ERG: variants seen among roughly 807,000 people sequenced by gnomAD.
The protein encoded by ERG is transcriptional regulator ERG.
ERG carries 9 observed loss-of-function variants against 55.3 expected under a neutral mutation model. That is an observed-to-expected ratio of 0.16 (90% CI 0.10 to 0.28). The LOEUF is 0.28. ERG is among the 10% of genes least tolerant of loss of function. ERG has a pLI of 1.00. For missense variants in ERG, 434 were observed against 631.6 expected (o/e 0.69, Z 3.35); for synonymous variants, 223 against 237.3 (o/e 0.94, Z 0.55).
intron 1 of ERG, among the ~76,000 whole-genome samples, chr21:38,469,852 T>G (rs577180922): frequency 2.0e-4 from 31 of 152,350 alleles, no homozygotes; most frequent in African/African-American, 7.2e-4. Context: ...TCTCATTCAG[T>G]TGTAACATGA....
chr21:38,597,803 A>G (rs1251231618), intron 1 of ERG, among the ~76,000 whole-genome samples: 11 of 152,244 alleles, frequency 7.2e-5, no homozygotes, highest in Non-Finnish European at 1.5e-5. Context: ...ATGTGCACAG[A>G]GTAAATTACC....
At chr21:38,436,773 C>G (rs1419492739) in intron 2 of ERG, among the ~76,000 whole-genome samples, 1 of 152,146 alleles carries the variant, frequency 6.6e-6, no homozygotes, top group African/African-American at 2.4e-5. Context: ...TGATGGTACC[C>G]TCATATCTGT....
chr21:38,408,343 A>G (rs530273729), intron 3 of ERG, among the ~76,000 whole-genome samples: 1 of 152,176 alleles, frequency 6.6e-6, no homozygotes, highest in South Asian at 2.1e-4. Flanking sequence ...TTCCTGAGCC[A>G]ATGCCTCCAT....
chr21:38,481,826 C>T (rs1384462592), intron 1 of ERG, among the ~76,000 whole-genome samples: 10 of 152,098 alleles, frequency 6.6e-5, no homozygotes, highest in Admixed American at 6.5e-4. Flanking sequence ...AAAGAGGTGA[C>T]TGTAGTAACA....
intron 2 of ERG, among the ~76,000 whole-genome samples, chr21:38,429,382 T>C (rs13050881): frequency 0.02 from 907 of 45,026 alleles, 22 homozygotes; most frequent in East Asian, 0.093. Flanking sequence ...CATATACATA[T>C]ATATGTACAC....
At chr21:38,422,485 A>G (rs1467330603) in intron 3 of ERG, among the ~76,000 whole-genome samples, 1 of 152,220 alleles carries the variant, frequency 6.6e-6, no homozygotes, top group Non-Finnish European at 1.5e-5. Flanking sequence ...AAATCATGAG[A>G]AAGATGTCCA....
intron 2 of ERG, among the ~76,000 whole-genome samples, chr21:38,431,763 C>T (rs1271961195): frequency 6.6e-6 from 1 of 152,192 alleles, no homozygotes; most frequent in Non-Finnish European, 1.5e-5. Flanking sequence ...CTCGGGGCTT[C>T]TCATGAAGAA....
rs1987400733 is a variant in ERG at position 38,380,884 on chromosome 21, G to A, written c.*2519C>T. 2 of 1,064,950 alleles carry A rather than the reference G, an allele frequency of 1.9e-6. No individual in the cohort carries two copies. Among genetic ancestry groups the A allele is most frequent in the Admixed American group, 5.3e-5 (1 of 18,734 alleles). The allele number at this position is 1,064,950 out of a possible 1,614,324, so 66.0% of individuals were successfully genotyped here. On this transcript the variant is annotated 3_prime_UTR_variant, in exon 10 of 10. Coordinates refer to ENST00000288319, the MANE Select transcript of ERG (RefSeq NM_182918.4). ...ACTGAGTGATTATCCAAGTAAATGTGTATTTCTATGAAGAATGTAGGTGTG... is the reference window on the plus strand; with the variant it reads ...ACTGAGTGATTATCCAAGTAAATGTATATTTCTATGAAGAATGTAGGTGTG...
At chr21:38,593,961 AAAG>A (rs1294124689) in intron 1 of ERG, among the ~76,000 whole-genome samples, 1 of 151,226 alleles carries the variant, frequency 6.6e-6, no homozygotes, top group Non-Finnish European at 1.5e-5. Context: ...CATAAAGAAA[AAAG>A]AAGAAAAAAT....
intron 2 of ERG, among the ~76,000 whole-genome samples, chr21:38,510,554 G>T (rs773013304): frequency 8.5e-5 from 13 of 152,188 alleles, no homozygotes; most frequent in Non-Finnish European, 1.9e-4. Flanking sequence ...CTTTTGGAGT[G>T]GGGAGCTTTT....
chr21:38,561,630 C>G (rs949470960), intron 2 of ERG, among the ~76,000 whole-genome samples: 1 of 151,968 alleles, frequency 6.6e-6, no homozygotes, highest in Non-Finnish European at 1.5e-5. Context: ...GGTTTTAAAA[C>G]AAAGAATGCA....
intron 1 of ERG, among the ~76,000 whole-genome samples, chr21:38,463,244 AAC>A (rs2059059290): frequency 6.6e-6 from 1 of 152,172 alleles, no homozygotes; most frequent in South Asian, 2.1e-4. Context: ...TTTATTATAA[AAC>A]AGAGTCTCAA....
chr21:38,475,632 C>T (rs928149034), intron 1 of ERG, among the ~76,000 whole-genome samples: 3 of 152,224 alleles, frequency 2.0e-5, no homozygotes, highest in African/African-American at 7.2e-5. Context: ...GTCTGACAGG[C>T]CTTGCCTGAT....
chr21:38,558,314 T>C (rs2059870669), intron 2 of ERG, among the ~76,000 whole-genome samples: 1 of 152,220 alleles, frequency 6.6e-6, no homozygotes, highest in Non-Finnish European at 1.5e-5. Context: ...ACACTGGGGT[T>C]AGCAAGAAAC....
downstream of ERG, among the ~76,000 whole-genome samples, chr21:38,376,464 G>A (rs1386477616): frequency 6.6e-6 from 1 of 152,174 alleles, no homozygotes; most frequent in Non-Finnish European, 1.5e-5. Flanking sequence ...GTCGCTTCCT[G>A]TCCTGCACCT....
intron 3 of ERG, among the ~76,000 whole-genome samples, chr21:38,404,282 T>C (rs1428502901): frequency 6.6e-6 from 1 of 152,176 alleles, no homozygotes; most frequent in Non-Finnish European, 1.5e-5. Flanking sequence ...GCGTTCCTCA[T>C]AGAGAGCTGT....
intron 1 of ERG, among the ~76,000 whole-genome samples, chr21:38,622,419 C>A (rs1451272888): frequency 1.2e-5 from 1 of 84,572 alleles, no homozygotes; most frequent in Admixed American, 1.2e-4. Context: ...TCATACATAT[C>A]ACACACACAC....
At chr21:38,530,744 T>A (rs16996400) in intron 2 of ERG, among the ~76,000 whole-genome samples, 2 of 152,228 alleles carry the variant, frequency 1.3e-5, no homozygotes, top group African/African-American at 4.8e-5. Context: ...TTGATTTCAA[T>A]AGGACTCATT....
At chr21:38,582,786 G>A (rs1397368936) in intron 1 of ERG, among the ~76,000 whole-genome samples, 8 of 151,482 alleles carry the variant, frequency 5.3e-5, no homozygotes, top group South Asian at 2.1e-4. Flanking sequence ...TTGCTCTGTC[G>A]CCCAGGCTGG....
Sources: allele counts gnomAD v4.1 joint callset (sites outside exome capture counted in the v4.1 genomes callset), GRCh38; gene constraint gnomAD v4.1.1; transcripts MANE v1.5; gene names NCBI Gene and HGNC (gene_info 2026-07-23, HGNC 2026-07-21).